The following ADGRV1 variants were observed in gnomAD, a reference collection of about 807,000 sequenced individuals.
The protein encoded by ADGRV1 is adhesion G protein-coupled receptor V1.
A neutral mutation model predicts 596.2 loss-of-function variants in ADGRV1; 359 were observed. That is an observed-to-expected ratio of 0.60 (90% CI 0.55 to 0.66). ADGRV1 has a LOEUF of 0.66. ADGRV1 is among the 30% of genes least tolerant of loss of function. ADGRV1 has a pLI of 0.00. For synonymous variants in ADGRV1, 2,681 were observed against 2,679.2 expected (o/e 1.00, Z -0.02); for missense variants, 7,274 against 7,575.6 (o/e 0.96, Z 1.48).
At chr5:90,834,870 T>G (rs188284622) in intron 77 of ADGRV1, among the ~76,000 whole-genome samples, 392 of 151,998 alleles carry the variant, frequency 2.6e-3, no homozygotes, top group African/African-American at 9.1e-3. Flanking sequence ...ATTTTCTTTC[T>G]TTCTCTTTCT....
intron 73 of ADGRV1, among the ~76,000 whole-genome samples, chr5:90,809,879 G>A (rs964503323): frequency 2.0e-5 from 3 of 152,180 alleles, no homozygotes; most frequent in Non-Finnish European, 2.9e-5. Context: ...AGCTGGCAGA[G>A]GTCCAGAACA....
intron 10 of ADGRV1, 147 bp from the exon 11 acceptor site, chr5:90,637,578 T>G (rs1766378345): frequency 4.5e-6 from 2 of 443,134 alleles, no homozygotes; most frequent in East Asian, 6.4e-5. Flanking sequence ...TTGGTTGTGT[T>G]TTAATGCATT....
At chr5:91,084,974 C>A (rs1283013432) in intron 86 of ADGRV1, among the ~76,000 whole-genome samples, 1 of 152,112 alleles carries the variant, frequency 6.6e-6, no homozygotes, top group African/African-American at 2.4e-5. Flanking sequence ...CAAACTATCA[C>A]AAGGACAGAA....
At chr5:90,966,390 G>A (rs915393310) in intron 84 of ADGRV1, among the ~76,000 whole-genome samples, 12 of 151,872 alleles carry the variant, frequency 7.9e-5, no homozygotes, top group African/African-American at 2.9e-4. Context: ...AAATTAGCTG[G>A]GCGTGGTGGT....
Position 90,689,900 on chromosome 5 carries a change from T to G in ADGRV1, c.6530T>G (p.Leu2177Arg). ...YSIASSDVVL[L>R]EGETSKAVPI... ...ATAGCTTCATCAGATGTGGTCTTGC[T>G]AGAAGGGGAAACCAGTAAAGCCGTG... The change falls in exon 30 of 90, where the codon CTA (leucine) becomes CGA (arginine). Residue 2177 changes from leucine to arginine, a missense_variant. By Grantham distance (102) the Leu-to-Arg change is moderately radical (BLOSUM62 -2). Transcript: ENST00000405460. 6.2e-7 allele frequency: 1 copy of G among 1,613,294 alleles called. No individual in the cohort carries two copies. The highest frequency in any genetic ancestry group is 8.5e-7 in the Non-Finnish European group (1 of 1,179,496).
intron 83 of ADGRV1, among the ~76,000 whole-genome samples, chr5:90,923,608 A>G (rs1012435827): frequency 5.3e-5 from 8 of 152,098 alleles, no homozygotes; most frequent in Non-Finnish European, 1.2e-4. Flanking sequence ...AACAGTCCCA[A>G]TCTTGCCTTA....
At chr5:91,076,834 CT>C (rs959007200) in intron 86 of ADGRV1, among the ~76,000 whole-genome samples, 2 of 151,194 alleles carry the variant, frequency 1.3e-5, no homozygotes, top group African/African-American at 2.4e-5. Context: ...TTCAAAATTT[CT>C]TTTTTTTTCT....
At chr5:90,607,019 G>A (rs542950754) in intron 1 of ADGRV1, among the ~76,000 whole-genome samples, 2 of 152,238 alleles carry the variant, frequency 1.3e-5, no homozygotes, top group Non-Finnish European at 2.9e-5. Flanking sequence ...GTTTCATTGG[G>A]TATAGAATTT....
At chr5:91,107,142 A>G (rs1207454646) in intron 87 of ADGRV1, among the ~76,000 whole-genome samples, 1 of 152,160 alleles carries the variant, frequency 6.6e-6, no homozygotes, top group African/African-American at 2.4e-5. Flanking sequence ...TTGCATTTCT[A>G]ATAAGTTTCC....
chr5:90,724,480 C>T (rs574691942), intron 45 of ADGRV1, among the ~76,000 whole-genome samples: 4 of 152,280 alleles, frequency 2.6e-5, no homozygotes, highest in South Asian at 2.1e-4. Context: ...CCACCTACCT[C>T]GGCCTCCCAA....
intron 38 of ADGRV1, among the ~76,000 whole-genome samples, chr5:90,708,449 C>T (rs1287567714): frequency 1.4e-4 from 21 of 146,988 alleles, no homozygotes; most frequent in Non-Finnish European, 2.3e-4. Context: ...TTTTTTTTTT[C>T]CATGGTGTTC....
At chr5:90,584,792 A>G (rs941091245) in intron 1 of ADGRV1, among the ~76,000 whole-genome samples, 3 of 152,236 alleles carry the variant, frequency 2.0e-5, no homozygotes, top group Non-Finnish European at 2.9e-5. Flanking sequence ...CTAGAAGTAA[A>G]TACAGTATTA....
chr5:90,704,026 T>G (rs890230274), intron 35 of ADGRV1, among the ~76,000 whole-genome samples: 1 of 152,222 alleles, frequency 6.6e-6, no homozygotes, highest in Non-Finnish European at 1.5e-5. Flanking sequence ...ATTGGACTTT[T>G]AATGACTAGT....
At chr5:90,982,796 T>C (rs1407713038) in intron 84 of ADGRV1, among the ~76,000 whole-genome samples, 1 of 152,120 alleles carries the variant, frequency 6.6e-6, no homozygotes, top group Non-Finnish European at 1.5e-5. Context: ...GGGAGCAATG[T>C]CAGGGAGTAC....
At chr5:90,965,379 G>A (rs375178889) in intron 83 of ADGRV1, 36 bp from the exon 84 acceptor site, 6 of 1,241,688 alleles carry the variant, frequency 4.8e-6, no homozygotes, top group South Asian at 1.2e-5. Context: ...ATCGATTTTA[G>A]CATATTTTAA....
At chr5:91,075,788 A>G (rs1468801081) in intron 86 of ADGRV1, among the ~76,000 whole-genome samples, 3 of 151,944 alleles carry the variant, frequency 2.0e-5, no homozygotes, top group Non-Finnish European at 4.4e-5. Context: ...ATTTCAGTCA[A>G]GGTTTCTCTC....
intron 87 of ADGRV1, among the ~76,000 whole-genome samples, chr5:91,133,891 A>G (rs570089850): frequency 2.0e-5 from 3 of 152,328 alleles, no homozygotes; most frequent in South Asian, 4.1e-4. Context: ...TGCTTTTAGT[A>G]CCAAGAGGGT....
intron 87 of ADGRV1, among the ~76,000 whole-genome samples, chr5:91,138,214 C>A (rs905919746): frequency 6.6e-6 from 1 of 150,682 alleles, no homozygotes; most frequent in Non-Finnish European, 1.5e-5. Flanking sequence ...GAAAGCATCT[C>A]GTTACATAAT....
intron 86 of ADGRV1, among the ~76,000 whole-genome samples, chr5:91,081,201 G>C (rs1216713874): frequency 5.3e-5 from 8 of 151,986 alleles, no homozygotes; most frequent in Non-Finnish European, 1.0e-4. Context: ...TTCCATCATG[G>C]GGGCTCCACC....
Sources: allele counts gnomAD v4.1 joint callset (sites outside exome capture counted in the v4.1 genomes callset), GRCh38; gene constraint gnomAD v4.1.1; transcripts MANE v1.5; gene names NCBI Gene and HGNC (gene_info 2026-07-23, HGNC 2026-07-21).